Variants in PARD3 observed in about 807,000 individuals in gnomAD.
The protein encoded by PARD3 is partitioning defective 3 homolog.
Under a neutral mutation model 155.4 loss-of-function variants are expected in PARD3, and 75 were observed. That is an observed-to-expected ratio of 0.48 (90% CI 0.40 to 0.58). The LOEUF is 0.58. Ranked by LOEUF, PARD3 falls within the 20% of genes least tolerant of loss-of-function variation. The probability of loss-of-function intolerance (pLI) is 0.00; values close to 1 mark genes in which losing one functional copy is unlikely to be tolerated. For missense variants in PARD3, 1,642 were observed against 1,721.7 expected, an observed-to-expected ratio of 0.95 and a Z score of 0.82; for synonymous variants, 576 against 610.5, an observed-to-expected ratio of 0.94 and a Z score of 0.83.
chr10:34,448,038 T>C (rs752297903), intron 5 of PARD3, among the ~76,000 whole-genome samples: 2 of 152,110 alleles, frequency 1.3e-5, no homozygotes, highest in Non-Finnish European at 1.5e-5. Flanking sequence ...TGCAATTCCA[T>C]GTACACAGAA....
At chr10:34,440,243 T>C (rs2076395738) in intron 5 of PARD3, among the ~76,000 whole-genome samples, 2 of 152,098 alleles carry the variant, frequency 1.3e-5, no homozygotes, top group African/African-American at 4.8e-5. Context: ...AGGATGAAAA[T>C]GTTAATGCAA....
At chr10:34,807,542 G>A (rs11009949) in intron 1 of PARD3, among the ~76,000 whole-genome samples, 53,423 of 151,684 alleles carry the variant, frequency 0.35, 10,486 homozygotes, top group African/African-American at 0.55. Context: ...AGTCCTAGCG[G>A]AACACCACTC....
intron 3 of PARD3, among the ~76,000 whole-genome samples, chr10:34,481,235 C>G (rs1042661578): frequency 6.6e-6 from 1 of 151,890 alleles, no homozygotes. Flanking sequence ...TATCATCACC[C>G]TCCTCCCTTT....
At chr10:34,337,239 C>A in intron 17 of PARD3, 36 bp downstream of exon 17, 1 of 1,368,070 alleles carries the variant, frequency 7.3e-7, no homozygotes, top group Non-Finnish European at 9.9e-7. Context: ...GCATTTAAAA[C>A]TTATTTAGAT....
chr10:34,281,257 C>T (rs1401170715), intron 21 of PARD3, among the ~76,000 whole-genome samples: 4 of 152,264 alleles, frequency 2.6e-5, no homozygotes, highest in East Asian at 3.9e-4. Context: ...GTCAGAGGCA[C>T]GAAGCACTGA....
intron 2 of PARD3, among the ~76,000 whole-genome samples, chr10:34,636,895 T>C (rs1368342340): frequency 2.0e-5 from 3 of 152,202 alleles, no homozygotes; most frequent in Non-Finnish European, 4.4e-5. Flanking sequence ...GTGCAGTTCC[T>C]CCTAGCATCA....
intron 4 of PARD3, among the ~76,000 whole-genome samples, chr10:34,451,805 G>T (rs1034135103): frequency 1.3e-5 from 2 of 149,282 alleles, no homozygotes; most frequent in African/African-American, 5.0e-5. Flanking sequence ...AAATGGTAAG[G>T]AGAAGACATG....
chr10:34,387,136 T>C (rs1386154982), intron 7 of PARD3, among the ~76,000 whole-genome samples: 1 of 152,044 alleles, frequency 6.6e-6, no homozygotes, highest in Non-Finnish European at 1.5e-5. Flanking sequence ...AGTTAATGAG[T>C]TTTTAATTGG....
chr10:34,257,930 C>T (rs1327210816), intron 22 of PARD3, among the ~76,000 whole-genome samples: 1 of 152,180 alleles, frequency 6.6e-6, no homozygotes, highest in Non-Finnish European at 1.5e-5. Context: ...ATTAGAATAG[C>T]TTAATGGATG....
intron 1 of PARD3, among the ~76,000 whole-genome samples, chr10:34,752,488 C>A (rs1836175016): frequency 6.7e-6 from 1 of 149,640 alleles, no homozygotes. Context: ...GCTTTTAAGA[C>A]ATGTAAATGC....
At chr10:34,489,089 G>C (rs1294460532) in intron 3 of PARD3, among the ~76,000 whole-genome samples, 1 of 152,192 alleles carries the variant, frequency 6.6e-6, no homozygotes, top group Non-Finnish European at 1.5e-5. Context: ...TGTAATCTCA[G>C]AACTTTGGGA....
At chr10:34,370,586 G>C (rs570969982) in intron 12 of PARD3, among the ~76,000 whole-genome samples, 1 of 152,060 alleles carries the variant, frequency 6.6e-6, no homozygotes, top group Admixed American at 6.6e-5. Flanking sequence ...TGTTTCGAAA[G>C]AACATCCCTA....
At chr10:34,257,438 G>A (rs1276895539) in intron 22 of PARD3, among the ~76,000 whole-genome samples, 1 of 152,192 alleles carries the variant, frequency 6.6e-6, no homozygotes, top group East Asian at 1.9e-4. Flanking sequence ...ATGAGTTATC[G>A]TGCCAAATTG....
chr10:34,695,299 A>C (rs2094145724), intron 2 of PARD3, among the ~76,000 whole-genome samples: 1 of 150,638 alleles, frequency 6.6e-6, no homozygotes, highest in African/African-American at 2.5e-5. Flanking sequence ...ACATGGTGAA[A>C]CCATGTCTCT....
intron 2 of PARD3, among the ~76,000 whole-genome samples, chr10:34,525,717 C>G (rs1258195198): frequency 6.6e-6 from 1 of 151,116 alleles, no homozygotes; most frequent in African/African-American, 2.4e-5. Context: ...AGGGATTTTG[C>G]TTAAAAGAAA....
At chr10:34,271,048 T>C (rs1390560961) in intron 21 of PARD3, among the ~76,000 whole-genome samples, 1 of 152,176 alleles carries the variant, frequency 6.6e-6, no homozygotes, top group Non-Finnish European at 1.5e-5. Flanking sequence ...TACTTACAAA[T>C]TTAAGTACAC....
intron 2 of PARD3, among the ~76,000 whole-genome samples, chr10:34,536,602 C>T (rs778094280): frequency 6.6e-6 from 1 of 152,214 alleles, no homozygotes; most frequent in Non-Finnish European, 1.5e-5. Context: ...ATCATTATTT[C>T]CCAAAAACCA....
At chr10:34,260,364 G>C (rs1954892872) in intron 22 of PARD3, among the ~76,000 whole-genome samples, 1 of 152,244 alleles carries the variant, frequency 6.6e-6, no homozygotes, top group Non-Finnish European at 1.5e-5. Flanking sequence ...CAGGGGCTCA[G>C]AGGAGACACT....
intron 7 of PARD3, among the ~76,000 whole-genome samples, chr10:34,393,438 G>A (rs866053083): frequency 3.6e-4 from 54 of 151,850 alleles, no homozygotes; most frequent in African/African-American, 8.7e-4. Context: ...AAAATTAGCC[G>A]GGCATGGAGG....
Sources: allele counts gnomAD v4.1 joint callset (sites outside exome capture counted in the v4.1 genomes callset), GRCh38; gene constraint gnomAD v4.1.1; transcripts MANE v1.5; gene names NCBI Gene and HGNC (gene_info 2026-07-23, HGNC 2026-07-21).